The following GRIA2 variants were observed in gnomAD, a reference collection of about 807,000 sequenced individuals.
GRIA2 encodes the protein glutamate receptor 2.
Under a neutral mutation model 97.3 loss-of-function variants are expected in GRIA2, and 14 were observed. The ratio of observed to expected loss-of-function variants is 0.14; its 90% confidence interval spans 0.10 to 0.23. The LOEUF (loss-of-function observed/expected upper bound fraction) is 0.23, where lower values mean the gene tolerates loss of function less well. Among genes scored for constraint, GRIA2 ranks in the 10% least tolerant of loss-of-function variants. GRIA2 has a pLI of 1.00. For synonymous variants in GRIA2, 412 were observed against 387.8 expected (o/e 1.06, Z -0.73); for missense variants, 558 against 1,069.8 (o/e 0.52, Z 6.67).
At chr4:157,247,104 C>T (rs1730765785) in intron 2 of GRIA2, among the ~76,000 whole-genome samples, 1 of 152,136 alleles carries the variant, frequency 6.6e-6, no homozygotes, top group Admixed American at 6.6e-5. Flanking sequence ...ACTTCTCAGG[C>T]ATGCTTCTGT....
chr4:157,323,437 A>G (rs1734673467), intron 6 of GRIA2, among the ~76,000 whole-genome samples: 1 of 147,742 alleles, frequency 6.8e-6, no homozygotes, highest in South Asian at 2.3e-4. Flanking sequence ...GGATACCCAG[A>G]GCCTTAGTTG....
intron 4 of GRIA2, among the ~76,000 whole-genome samples, chr4:157,315,194 C>A (rs576945667): frequency 6.6e-6 from 1 of 152,108 alleles, no homozygotes; most frequent in East Asian, 1.9e-4. Flanking sequence ...AATAGGCCAG[C>A]CACCATCAGT....
intron 14 of GRIA2, chr4:157,362,512 TA>T: frequency 1.9e-6 from 1 of 537,618 alleles, no homozygotes; most frequent in South Asian, 1.5e-5. Flanking sequence ...TTTATCAATT[TA>T]TCACTGCAAC....
chr4:157,244,021 A>G (rs536574605), intron 2 of GRIA2, among the ~76,000 whole-genome samples: 39 of 152,216 alleles, frequency 2.6e-4, no homozygotes, highest in Middle Eastern at 6.8e-3. Context: ...GTTGAAGACA[A>G]TATGTTAGGT....
chr4:157,231,566 G>A (rs1223209864), intron 2 of GRIA2, among the ~76,000 whole-genome samples: 1 of 152,172 alleles, frequency 6.6e-6, no homozygotes, highest in East Asian at 1.9e-4. Context: ...AAAATTATGA[G>A]GTAAAATACT....
chr4:157,313,691 G>A (rs545069189), intron 4 of GRIA2, among the ~76,000 whole-genome samples: 3 of 151,894 alleles, frequency 2.0e-5, no homozygotes, highest in African/African-American at 7.3e-5. Context: ...ACTGATATCT[G>A]CATCTCTTCC....
intron 2 of GRIA2, among the ~76,000 whole-genome samples, chr4:157,225,679 T>C (rs1331996234): frequency 6.6e-6 from 1 of 151,424 alleles, no homozygotes; most frequent in Admixed American, 6.6e-5. Context: ...TTTCAAAACC[T>C]TGTAGGCCTT....
chr4:157,309,304 T>G (rs936496254), intron 3 of GRIA2, among the ~76,000 whole-genome samples: 1 of 152,036 alleles, frequency 6.6e-6, no homozygotes, highest in African/African-American at 2.4e-5. Flanking sequence ...TAAATTACTT[T>G]TGACACGTAG....
chr4:157,358,953 A>C (rs977644809), intron 12 of GRIA2, among the ~76,000 whole-genome samples: 2 of 152,142 alleles, frequency 1.3e-5, no homozygotes, highest in Non-Finnish European at 2.9e-5. Flanking sequence ...TTCGATTTCA[A>C]TTTTTCATTT....
chr4:157,333,934 G>A (rs1007403536), intron 8 of GRIA2, 76 bp from the exon 9 acceptor site: 7 of 738,392 alleles, frequency 9.5e-6, no homozygotes, highest in Admixed American at 3.8e-5. Flanking sequence ...TTCAGACATG[G>A]CTTTGAAAAT....
At chr4:157,234,519 T>G (rs1730158563) in intron 2 of GRIA2, among the ~76,000 whole-genome samples, 1 of 152,090 alleles carries the variant, frequency 6.6e-6, no homozygotes, top group South Asian at 2.1e-4. Flanking sequence ...ATGCATAATT[T>G]AAAAAATGTA....
intron 12 of GRIA2, among the ~76,000 whole-genome samples, chr4:157,351,334 A>G (rs1560778553): frequency 1.3e-5 from 2 of 152,146 alleles, no homozygotes; most frequent in Admixed American, 1.3e-4. Flanking sequence ...CACTATTAAA[A>G]AATGAAAGAC....
Position 157,361,586 on chromosome 4 carries a change from A to C in GRIA2, c.2406+462A>C. 6.2e-7 allele frequency: 1 copy of C among 1,612,816 alleles called. No individual in the cohort carries two copies. Among genetic ancestry groups the C allele is most frequent in the Non-Finnish European group, 8.5e-7 (1 of 1,179,060 alleles). On this transcript the variant is annotated intron_variant, in intron 14 of 15. Transcript: ENST00000264426. The surrounding 1 kb of genome is among the most constrained non-coding windows in gnomAD (Gnocchi z 5.2). Reference sequence around the variant, plus strand: ...TGAAACTCAGTGAGCAAGGCGTCTTAGACAAGCTGAAAAACAAATGGTGGT... The same window carrying C: ...TGAAACTCAGTGAGCAAGGCGTCTTCGACAAGCTGAAAAACAAATGGTGGT...
intron 6 of GRIA2, among the ~76,000 whole-genome samples, chr4:157,322,251 G>A (rs1038502542): frequency 1.1e-4 from 14 of 127,248 alleles, no homozygotes; most frequent in African/African-American, 3.2e-4. Context: ...GAGTGTGTGT[G>A]TGTGTGTGTG....
chr4:157,222,143 C>G (rs1483095228), intron 2 of GRIA2, among the ~76,000 whole-genome samples: 1 of 152,130 alleles, frequency 6.6e-6, no homozygotes, highest in East Asian at 1.9e-4. Flanking sequence ...GCCCTCCCAC[C>G]TCGCTCCCCA....
At chr4:157,326,786 A>C (rs551438191) in intron 6 of GRIA2, among the ~76,000 whole-genome samples, 1 of 152,316 alleles carries the variant, frequency 6.6e-6, no homozygotes, top group Admixed American at 6.5e-5. Context: ...ATGATCCAGA[A>C]GTTTTATGCC....
At chr4:157,271,281 A>G (rs1732012917) in intron 2 of GRIA2, among the ~76,000 whole-genome samples, 1 of 151,918 alleles carries the variant, frequency 6.6e-6, no homozygotes, top group South Asian at 2.1e-4. Context: ...ACCCTGAGAT[A>G]GCATCAGATC....
chr4:157,355,380 T>A (rs1033427559), intron 12 of GRIA2, among the ~76,000 whole-genome samples: 1 of 151,284 alleles, frequency 6.6e-6, no homozygotes, highest in African/African-American at 2.4e-5. Flanking sequence ...ATACAAAAAT[T>A]AGCCAGGCGT....
intron 2 of GRIA2, among the ~76,000 whole-genome samples, chr4:157,281,279 TC>T (rs1732581458): frequency 6.6e-6 from 1 of 152,094 alleles, no homozygotes; most frequent in Non-Finnish European, 1.5e-5. Flanking sequence ...ATATCATACT[TC>T]CTAGAAGTTT....
Sources: gnomAD v4.1 joint callset for allele counts (sites outside exome capture counted in the v4.1 genomes callset) on GRCh38, gnomAD v4.1.1 for gene constraint, Gnocchi (gnomAD v3.1) non-coding constraint, MANE v1.5 for transcripts, NCBI Gene and HGNC (gene_info 2026-07-23, HGNC 2026-07-21) for gene names.